The following HK2 variants were observed in gnomAD, a reference collection of about 807,000 sequenced individuals.
HK2 encodes hexokinase-2.
A neutral mutation model predicts 92.9 loss-of-function variants in HK2; 42 were observed. The observed-to-expected ratio is 0.45, with a 90% CI of 0.35 to 0.58. The LOEUF (loss-of-function observed/expected upper bound fraction) is 0.58. Ranked by LOEUF, HK2 falls within the 20% of genes least tolerant of loss-of-function variation. The pLI is 0.00. For synonymous variants in HK2, 422 were observed against 468.0 expected, an observed-to-expected ratio of 0.90 and a Z score of 1.27; for missense variants, 978 against 1,245.1, an observed-to-expected ratio of 0.79 and a Z score of 3.23.
chr2:74,834,314 C>T lies in HK2; in HGVS notation c.-267C>T, dbSNP rs368954762. Reference sequence around the variant, plus strand: ...AGTGATCCTGTGGCCGAAGTTAGCGCCTTGACGTGGGACAACCGGACACGT... The same window carrying T: ...AGTGATCCTGTGGCCGAAGTTAGCGTCTTGACGTGGGACAACCGGACACGT... On this transcript the variant is annotated 5_prime_UTR_variant, in exon 1 of 18. Transcript: ENST00000290573. This position sits in a 1 kb window ranked among gnomAD's most constrained non-coding sequence, Gnocchi z 4.2. The T allele has an allele frequency of 2.6e-4, 142 of 550,340 alleles. No individual in the cohort carries two copies. The highest frequency in any genetic ancestry group is 2.4e-3 in the African/African-American group (125 of 52,748). The allele number at this position is 550,340 out of a possible 1,614,324, so 34.1% of individuals were successfully genotyped here. A position where few individuals can be genotyped will look rare whatever the true frequency, so the allele number is the denominator to read the frequency against.
intron 2 of HK2, among the ~76,000 whole-genome samples, chr2:74,854,879 G>A (rs577902139): frequency 1.3e-5 from 2 of 152,340 alleles, no homozygotes; most frequent in African/African-American, 2.4e-5. Context: ...GCCGGACGCC[G>A]TGTAGGCATG....
At chr2:74,875,327 G>GTTTTTTTT (rs61418530) in intron 7 of HK2, among the ~76,000 whole-genome samples, 2 of 112,066 alleles carry the variant, frequency 1.8e-5, no homozygotes, top group African/African-American at 3.5e-5. Context: ...CCTTGCTTTC[G>GTTTTTTTT]TTTTTTTTTT....
chr2:74,859,128 A>G (rs1249329715), intron 2 of HK2, among the ~76,000 whole-genome samples: 1 of 152,256 alleles, frequency 6.6e-6, no homozygotes, highest in Non-Finnish European at 1.5e-5. Context: ...TATAGTGGTC[A>G]TCTATATTTT....
At chr2:74,885,718 G>T (rs1461978834) in intron 13 of HK2, 129 bp downstream of exon 13, 2 of 727,422 alleles carry the variant, frequency 2.7e-6, no homozygotes, top group South Asian at 1.5e-5. Context: ...CTCAAGCGTC[G>T]TTCAGCAGTT....
chr2:74,888,893 C>G (rs186502256), intron 16 of HK2, among the ~76,000 whole-genome samples: 248 of 152,098 alleles, frequency 1.6e-3, no homozygotes, highest in Non-Finnish European at 2.9e-3. Flanking sequence ...CCCTGCAAAC[C>G]CATGAACAGC....
chr2:74,873,255 C>G, intron 4 of HK2, 21 bp from the exon 5 acceptor site: 1 of 1,568,768 alleles, frequency 6.4e-7, no homozygotes, highest in Non-Finnish European at 8.8e-7. Flanking sequence ...AATCAATATT[C>G]ACTTCTTGGT....
intron 1 of HK2, among the ~76,000 whole-genome samples, chr2:74,852,688 T>A (rs1249928999): frequency 1.4e-5 from 2 of 145,604 alleles, no homozygotes; most frequent in Admixed American, 1.4e-4. Flanking sequence ...ATTAAAAGAT[T>A]AAAAAAAAAA....
At chr2:74,852,700 A>C (rs79348795) in intron 1 of HK2, among the ~76,000 whole-genome samples, 4 of 152,048 alleles carry the variant, frequency 2.6e-5, no homozygotes, top group African/African-American at 7.2e-5. Context: ...AAAAAAAAAA[A>C]CAACAAAAAA....
rs1573344847 is a variant in HK2, at chr2:74,834,508, G to C, written c.-73G>C. ...GCCGAGCCCCAGCACAAAGCAGTCG[G>C]ACCGCGCCGCCCGCCTCCCCTCTCG... is the stretch of plus-strand genomic sequence containing the variant. On this transcript the variant is annotated 5_prime_UTR_variant, in exon 1 of 18. Transcript: ENST00000290573. The surrounding 1 kb of genome is among the most constrained non-coding windows in gnomAD (Gnocchi z 4.2). The C allele has an allele frequency of 6.7e-7, 1 of 1,490,398 alleles. No homozygotes were observed. Among genetic ancestry groups the C allele is most frequent in the Non-Finnish European group, 9.3e-7 (1 of 1,070,152 alleles). 92.3% of individuals were successfully genotyped at this position (1,490,398 alleles called of 1,614,324 possible).
intron 6 of HK2, 122 bp downstream of exon 6, chr2:74,874,065 C>G (rs563913847): frequency 1.6e-5 from 16 of 972,534 alleles, no homozygotes; most frequent in Admixed American, 9.8e-5. Context: ...GATAATGGTC[C>G]AGTCACTTTG....
rs145170621 is a variant in HK2 at position 74,869,816 on chromosome 2, C to G, written c.375+2032C>G. On this transcript the variant is annotated intron_variant, in intron 3 of 17. Transcript: ENST00000290573. ...CAAGGAAGCAGAAGGTCTCCTCTTC[C>G]CACTTGAGAAAAGATGTAGGTTCTT... Among the ~76,000 whole-genome samples the G allele has an allele frequency of 1.4e-3, 214 of 152,150 alleles. 1 individual carries two copies. Among genetic ancestry groups the G allele is most frequent in the African/African-American group, 4.9e-3 (205 of 41,502 alleles).
chr2:74,867,860 C>T (rs994671295), intron 3 of HK2, 76 bp downstream of exon 3: 86 of 1,550,352 alleles, frequency 5.5e-5, no homozygotes, highest in Admixed American at 1.8e-4. Flanking sequence ...TTTCTCCAGC[C>T]GCTCCCAGCG....
chr2:74,871,174 C>G (rs1404754799), intron 3 of HK2, among the ~76,000 whole-genome samples: 2 of 152,188 alleles, frequency 1.3e-5, no homozygotes, highest in African/African-American at 4.8e-5. Context: ...TATAGTCGGT[C>G]TGTGGGGGCG....
chr2:74,881,715 A>G lies in HK2; in HGVS notation c.1575A>G (p.Lys525=). Residue 525 remains lysine (K), a synonymous_variant, in exon 11 of 18, where the codon AAA becomes AAG. Coordinates refer to ENST00000290573, the MANE Select transcript of HK2 (RefSeq NM_000189.5). The part of the protein sequence containing the change: ...YVCATPDGTE[K]GDFLALDLGG... ...TTCCCTGGGCTTATTTTCCAGAGAAAGGGGACTTCTTGGCCTTGGACCTTG... is the reference window on the plus strand; with the variant it reads ...TTCCCTGGGCTTATTTTCCAGAGAAGGGGGACTTCTTGGCCTTGGACCTTG... 6.2e-7 allele frequency: 1 copy of G among 1,614,116 alleles called. No individual in the cohort carries two copies. Among genetic ancestry groups the G allele is most frequent in the Non-Finnish European group, 8.5e-7 (1 of 1,179,994 alleles).
intron 12 of HK2, 168 bp downstream of exon 12, chr2:74,882,407 T>G (rs955231996): frequency 2.2e-5 from 9 of 411,978 alleles, no homozygotes; most frequent in Non-Finnish European, 2.6e-5. Flanking sequence ...TTGAGGCTGG[T>G]GGAGGTTAAG....
At position 74,834,829 on chromosome 2, in the gene HK2, G is replaced by A. The variant is rs1688112164; in HGVS notation, c.63+186G>A. 6.8e-6 allele frequency among the ~76,000 whole-genome samples: 1 copy of A among 147,026 alleles called. No homozygotes were observed. Among genetic ancestry groups the A allele is most frequent in the African/African-American group, 2.4e-5 (1 of 40,884 alleles). On this transcript the variant is annotated intron_variant, in intron 1 of 17. Transcript: ENST00000290573. This position sits in a 1 kb window ranked among gnomAD's most constrained non-coding sequence, Gnocchi z 4.2. ...CGTCCGCTAAGCACAGCCGGCGAGT[G>A]CGCGCGGGCGGGGAGCCGAGGTCGC...
rs1689704796 is a variant in HK2, at chr2:74,892,486, T to C, written c.*1545T>C. On this transcript the variant is annotated 3_prime_UTR_variant, in exon 18 of 18. Transcript: ENST00000290573. ...TATACACAACATTTATTTCAAACTATTGGGAGGGATGAGAGTGGCTTAAAA... is the reference window on the plus strand; with the variant it reads ...TATACACAACATTTATTTCAAACTACTGGGAGGGATGAGAGTGGCTTAAAA... 6.6e-6 allele frequency: 1 copy of C among 152,118 alleles called. No homozygotes were observed. The allele number at this position is 152,118 out of a possible 1,614,324, so 9.4% of individuals were successfully genotyped here.
At chr2:74,874,577 C>T in intron 7 of HK2, 128 bp downstream of exon 7, 1 of 830,782 alleles carries the variant, frequency 1.2e-6, no homozygotes, top group South Asian at 1.8e-5. Flanking sequence ...GGCCACTGGT[C>T]ATAGGAATGT....
chr2:74,840,509 T>A (rs181700329), intron 1 of HK2, among the ~76,000 whole-genome samples: 1 of 152,160 alleles, frequency 6.6e-6, no homozygotes, highest in East Asian at 1.9e-4. Flanking sequence ...ATCGTTGAGC[T>A]TTGAAGTCAG....
Sources: gnomAD v4.1 joint callset for allele counts (sites outside exome capture counted in the v4.1 genomes callset) on GRCh38, gnomAD v4.1.1 for gene constraint, Gnocchi (gnomAD v3.1) non-coding constraint, MANE v1.5 for transcripts, NCBI Gene and HGNC (gene_info 2026-07-23, HGNC 2026-07-21) for gene names.